SNTG1: variants seen among roughly 807,000 people sequenced by gnomAD.
SNTG1 encodes the protein gamma-1-syntrophin.
Under a neutral mutation model 74.7 loss-of-function variants are expected in SNTG1, and 39 were observed. The observed-to-expected ratio is 0.52, with a 90% confidence interval of 0.40 to 0.68. The LOEUF is 0.68. Among genes scored for constraint, SNTG1 ranks in the 30% least tolerant of loss-of-function variants. SNTG1 has a pLI of 0.00. For missense variants in SNTG1, 685 were observed against 609.5 expected (o/e 1.12, Z -1.30); for synonymous variants, 254 against 217.1 (o/e 1.17, Z -1.49).
At chr8:50,639,377 C>T (rs2095058130) in intron 13 of SNTG1, among the ~76,000 whole-genome samples, 1 of 151,920 alleles carries the variant, frequency 6.6e-6, no homozygotes, top group African/African-American at 2.4e-5. Flanking sequence ...CTTTAATACA[C>T]ATTTCTGAAA....
At position 50,500,340 on chromosome 8, in the gene SNTG1, T is replaced by G. The variant is rs953260188; in HGVS notation, c.364-2438T>G. The stretch of plus-strand genomic sequence containing the variant: ...TCTCATTCCTACTTTGTTATTGAAC[T>G]ATTCCCAAGTGATTTTAAAATTTAT... On this transcript the variant is annotated intron_variant, in intron 8 of 18. Transcript: ENST00000642720. Among the ~76,000 whole-genome samples, 4 of 151,998 alleles carry G rather than the reference T, an allele frequency of 2.6e-5. No homozygotes were observed. The East Asian group carries it at 7.7e-4, about 29-fold the overall frequency.
intron 13 of SNTG1, 139 bp downstream of exon 13, chr8:50,591,056 A>T: frequency 2.0e-6 from 1 of 504,008 alleles, no homozygotes; most frequent in South Asian, 4.2e-5. Flanking sequence ...CATACATTTC[A>T]GATATCTCCT....
intron 12 of SNTG1, among the ~76,000 whole-genome samples, chr8:50,564,164 T>A (rs1052110016): frequency 4.0e-4 from 61 of 152,094 alleles, no homozygotes; most frequent in African/African-American, 1.3e-3. Flanking sequence ...TTTCTGTTTC[T>A]CTCTGACATG....
intron 1 of SNTG1, among the ~76,000 whole-genome samples, chr8:50,055,870 A>G (rs1395879113): frequency 1.3e-5 from 2 of 152,138 alleles, no homozygotes; most frequent in African/African-American, 4.8e-5. Flanking sequence ...AAATTGTTTG[A>G]TAGACTTAAT....
At chr8:50,175,543 A>G (rs1399104679) in intron 2 of SNTG1, among the ~76,000 whole-genome samples, 1 of 152,176 alleles carries the variant, frequency 6.6e-6, no homozygotes, top group African/African-American at 2.4e-5. Flanking sequence ...TTGCTGTGTA[A>G]GAGGGGGTCA....
chr8:50,275,798 G>GT (rs2088067085), intron 2 of SNTG1, among the ~76,000 whole-genome samples: 1 of 152,142 alleles, frequency 6.6e-6, no homozygotes, highest in African/African-American at 2.4e-5. Flanking sequence ...GATCTTGACT[G>GT]TAAGATTCCC....
intron 8 of SNTG1, among the ~76,000 whole-genome samples, chr8:50,492,010 T>A (rs1454457361): frequency 1.3e-5 from 2 of 151,666 alleles, no homozygotes; most frequent in Non-Finnish European, 2.9e-5. Flanking sequence ...CCTCTGTTAC[T>A]TTGCTGAGAA....
At chr8:50,517,766 T>C (rs1325562620) in intron 9 of SNTG1, among the ~76,000 whole-genome samples, 1 of 152,064 alleles carries the variant, frequency 6.6e-6, no homozygotes, top group Non-Finnish European at 1.5e-5. Flanking sequence ...CTATCCTAAA[T>C]ATATATGCAC....
At chr8:50,222,343 G>A (rs757335705) in intron 2 of SNTG1, among the ~76,000 whole-genome samples, 4 of 152,164 alleles carry the variant, frequency 2.6e-5, no homozygotes, top group Non-Finnish European at 5.9e-5. Context: ...CTCCTAGTTA[G>A]ATTGGCCCAA....
At chr8:50,351,704 G>A (rs972919027) in intron 2 of SNTG1, among the ~76,000 whole-genome samples, 1 of 152,160 alleles carries the variant, frequency 6.6e-6, no homozygotes, top group Admixed American at 6.5e-5. Flanking sequence ...GAGTTACAAA[G>A]AGCAGAGAAC....
At chr8:50,200,344 T>C (rs1228980610) in intron 2 of SNTG1, among the ~76,000 whole-genome samples, 2 of 152,162 alleles carry the variant, frequency 1.3e-5, no homozygotes, top group African/African-American at 2.4e-5. Context: ...TCCTGAAGAC[T>C]ATGACATCAG....
intron 2 of SNTG1, among the ~76,000 whole-genome samples, chr8:50,324,938 C>CATATATATAT (rs201152206): frequency 1.4e-3 from 186 of 133,970 alleles, no homozygotes; most frequent in African/African-American, 4.6e-3. Context: ...GCATTTTATA[C>CATATATATAT]ATATATATAT....
At position 49,938,603 on chromosome 8, in the gene SNTG1, T is replaced by TTTTCTTTTCTTTTTTTTCTTTTC; in HGVS notation, c.-103+26379_-103+26380insTCTTTTTTTTCTTTTCTTTCTTT. Among the ~76,000 whole-genome samples, 30 of 74,766 alleles carry TTTTCTTTTCTTTTTTTTCTTTTC rather than the reference T, an allele frequency of 4.0e-4. 3 individuals are homozygous for TTTTCTTTTCTTTTTTTTCTTTTC. The highest frequency in any genetic ancestry group is 1.9e-3 in the East Asian group (3 of 1,556). 49.0% of individuals were successfully genotyped at this position (74,766 alleles called of 152,430 possible). ...TTTTCTTTTCTTTTCTTTTCTTTTCTTTTCTTTCTTTCTTTCTTTCTTTCT... is the reference window on the plus strand; with the variant it reads ...TTTTCTTTTCTTTTCTTTTCTTTTCTTTTCTTTTCTTTTTTTTCTTTTCTTTCTTTCTTTCTTTCTTTCTTTCT... On this transcript the variant is annotated intron_variant, in intron 1 of 18. Coordinates refer to ENST00000642720, the MANE Select transcript of SNTG1 (RefSeq NM_018967.5).
At chr8:50,698,492 T>C (rs758733879) in intron 15 of SNTG1, among the ~76,000 whole-genome samples, 7 of 151,920 alleles carry the variant, frequency 4.6e-5, no homozygotes, top group Non-Finnish European at 8.8e-5. Context: ...GGGGGTGAAG[T>C]GAAAGATGGG....
At chr8:50,571,428 A>T (rs1316320728) in intron 12 of SNTG1, among the ~76,000 whole-genome samples, 1 of 152,174 alleles carries the variant, frequency 6.6e-6, no homozygotes, top group African/African-American at 2.4e-5. Context: ...AAATTTGCTC[A>T]CTCTTGCTCA....
intron 2 of SNTG1, among the ~76,000 whole-genome samples, chr8:50,270,893 G>A (rs1212608775): frequency 6.6e-6 from 1 of 152,152 alleles, no homozygotes; most frequent in East Asian, 1.9e-4. Context: ...TGAATTATGA[G>A]CCAATCACTG....
At chr8:50,013,040 T>C (rs1815961596) in intron 1 of SNTG1, among the ~76,000 whole-genome samples, 1 of 152,096 alleles carries the variant, frequency 6.6e-6, no homozygotes, top group African/African-American at 2.4e-5. Flanking sequence ...AGAAGGGAAG[T>C]CCCTACTGTG....
At chr8:50,668,415 TG>T (rs1269603011) in intron 15 of SNTG1, among the ~76,000 whole-genome samples, 2 of 151,482 alleles carry the variant, frequency 1.3e-5, no homozygotes, top group Non-Finnish European at 2.9e-5. Context: ...TTTCTTGTTT[TG>T]TTTTTTTTTC....
In SNTG1 at chr8:50,034,153, C is replaced by A. The variant is rs190888472; in HGVS notation, c.-103+121922C>A. ...AGGCACATTTCTCTCAGGATCTGGA[C>A]TTTGGAAAAAATGAGGGTGCTCTTC... On this transcript the variant is annotated intron_variant, in intron 1 of 18. Transcript: ENST00000642720. Among the ~76,000 whole-genome samples, 392 of 152,234 alleles carry A rather than the reference C, an allele frequency of 2.6e-3. 2 individuals carry two copies. Among genetic ancestry groups the A allele is most frequent in the Non-Finnish European group, 5.0e-3 (340 of 68,026 alleles).
Sources: gnomAD v4.1 joint callset for allele counts (sites outside exome capture counted in the v4.1 genomes callset) on GRCh38, gnomAD v4.1.1 for gene constraint, MANE v1.5 for transcripts, NCBI Gene and HGNC (gene_info 2026-07-23, HGNC 2026-07-21) for gene names.